The following POTEE variants were observed in gnomAD, a reference collection of about 807,000 sequenced individuals.
POTEE encodes the protein POTE ankyrin domain family member E, also known as ANKRD26-like family C member 1A.
Under a neutral mutation model 74.2 loss-of-function variants are expected in POTEE, and 21 were observed. That is an observed-to-expected ratio of 0.28 (90% CI 0.20 to 0.41). POTEE has a LOEUF of 0.41. Ranked by LOEUF, POTEE falls within the 10% of genes least tolerant of loss-of-function variation. POTEE has a pLI of 1.00. For synonymous variants in POTEE, 211 were observed against 432.8 expected, an observed-to-expected ratio of 0.49 and a Z score of 6.36; for missense variants, 525 against 1,158.6, an observed-to-expected ratio of 0.45 and a Z score of 7.94.
In POTEE at chr2:131,264,281, G is replaced by A. The variant is rs1701834409; in HGVS notation, c.2826G>A (p.Leu942=). Residue 942 remains leucine, a synonymous_variant, in exon 18 of 18, where the codon CTG becomes CTA. Coordinates refer to ENST00000683005, the MANE Select transcript of POTEE (RefSeq NM_001083538.3). ...CCTCCCTAGAGAAGAGCTACGAGCT[G>A]CCCGATGGCCAGGTCATCACCATCG... ...SSSSLEKSYE[L]PDGQVITIGN... 6.2e-7 allele frequency: 1 copy of A among 1,614,090 alleles called. No homozygotes were observed. The highest frequency in any genetic ancestry group is 1.3e-5 in the African/African-American group (1 of 74,966).
At chr2:131,219,451 A>G (rs1700547503) in intron 4 of POTEE, among the ~76,000 whole-genome samples, 1 of 151,818 alleles carries the variant, frequency 6.6e-6, no homozygotes, top group Non-Finnish European at 1.5e-5. Flanking sequence ...TTAAGATGTG[A>G]GCTTTTTGGC....
At chr2:131,230,014 A>C (rs540964505) in intron 8 of POTEE, among the ~76,000 whole-genome samples, 3 of 152,258 alleles carry the variant, frequency 2.0e-5, no homozygotes, top group African/African-American at 7.2e-5. Flanking sequence ...AATATAAAGC[A>C]TTATCCTAAC....
At chr2:131,221,700 T>C (rs1410641297) in intron 4 of POTEE, among the ~76,000 whole-genome samples, 1 of 152,222 alleles carries the variant, frequency 6.6e-6, no homozygotes, top group Non-Finnish European at 1.5e-5. Context: ...TATATACATT[T>C]TATTACATAA....
intron 4 of POTEE, among the ~76,000 whole-genome samples, chr2:131,219,714 G>A (rs1298086231): frequency 6.6e-6 from 1 of 151,760 alleles, no homozygotes; most frequent in African/African-American, 2.4e-5. Flanking sequence ...TCCAGCCTGG[G>A]CGACAGAGCG....
intron 2 of POTEE, among the ~76,000 whole-genome samples, chr2:131,212,783 T>C (rs1465872434): frequency 6.7e-6 from 1 of 149,660 alleles, no homozygotes; most frequent in Admixed American, 6.6e-5. Flanking sequence ...AGGCTGGTCT[T>C]GAACTCCCGA....
intron 12 of POTEE, among the ~76,000 whole-genome samples, chr2:131,243,384 CATACCGT>C (rs1306253399): frequency 5.5e-5 from 8 of 145,346 alleles, no homozygotes; most frequent in African/African-American, 1.7e-4. Flanking sequence ...TCTCCTCTAA[CATACCGT>C]ATATTTTGCC....
intron 5 of POTEE, 58 bp downstream of exon 5, chr2:131,223,768 A>C: frequency 6.2e-7 from 1 of 1,609,996 alleles, no homozygotes; most frequent in Non-Finnish European, 8.5e-7. Flanking sequence ...ACATAGCATA[A>C]AAATGAGTTT....
rs1038427794 is a variant in POTEE at position 131,218,791 on chromosome 2, A to G, written c.389A>G (p.Glu130Gly). 2 of 1,612,642 alleles carry G rather than the reference A, an allele frequency of 1.2e-6. No homozygotes were observed. The highest frequency in any genetic ancestry group is 1.7e-6 in the Non-Finnish European group (2 of 1,179,880). The change falls in exon 4 of 18, where the codon GAG becomes GGG. Residue 130 changes from glutamate (E) to glycine (G), a missense_variant. Physicochemically the swap from Glu to Gly is moderately conservative, Grantham distance 98 (BLOSUM62 -2). Coordinates refer to ENST00000683005, the MANE Select transcript of POTEE (RefSeq NM_001083538.3). ...GACTACGATGACAGCGCCTTCATGG[A>G]GCCCAGGTACCACGTCCGTGGAGAA... ...WGDYDDSAFMEPRYHVRGEDL... is the reference protein window; with the variant it reads ...WGDYDDSAFMGPRYHVRGEDL...
rs758161839 is a variant in POTEE, at chr2:131,263,981, G to C, written c.2526G>C (p.Leu842=). The C allele has an allele frequency of 3.3e-5, 53 of 1,614,166 alleles. 1 individual carries two copies. The highest frequency in any genetic ancestry group is 3.3e-4 in the Middle Eastern group (2 of 6,060). Residue 842 remains leucine (L), a synonymous_variant, in exon 18 of 18, where the codon CTG becomes CTC. Coordinates refer to ENST00000683005, the MANE Select transcript of POTEE (RefSeq NM_001083538.3). ...TGGCCATCCAGGCCGTGCCGTCCCT[G>C]TACACCTCTGGCCGTACTACTGGCA... is the stretch of plus-strand genomic sequence containing the variant. ...MYVAIQAVPS[L]YTSGRTTGIV... is the part of the protein sequence containing the mutation.
At chr2:131,219,345 T>C (rs904107250) in intron 4 of POTEE, among the ~76,000 whole-genome samples, 4 of 151,454 alleles carry the variant, frequency 2.6e-5, no homozygotes, top group East Asian at 1.9e-4. Flanking sequence ...TTTATATCAA[T>C]GTACAGTATG....
At chr2:131,227,683 A>G (rs2105084145) in intron 7 of POTEE, among the ~76,000 whole-genome samples, 1 of 145,030 alleles carries the variant, frequency 6.9e-6, no homozygotes, top group Middle Eastern at 3.4e-3. Flanking sequence ...GTTATTTACC[A>G]CCAAATATGT....
At chr2:131,258,601 A>G (rs1418955159) in intron 16 of POTEE, among the ~76,000 whole-genome samples, 9 of 152,138 alleles carry the variant, frequency 5.9e-5, no homozygotes, top group Admixed American at 5.9e-4. Flanking sequence ...GTTGTTAACA[A>G]TTTTCTGCTG....
At chr2:131,214,455 C>T (rs1326003552) in intron 2 of POTEE, among the ~76,000 whole-genome samples, 10 of 152,276 alleles carry the variant, frequency 6.6e-5, no homozygotes, top group Non-Finnish European at 2.9e-5. Context: ...TAAATTTAAT[C>T]ATGTCGTAGA....
At chr2:131,210,507 C>T (rs910027272) in intron 1 of POTEE, among the ~76,000 whole-genome samples, 8 of 151,850 alleles carry the variant, frequency 5.3e-5, no homozygotes, top group African/African-American at 1.2e-4. Context: ...GCCATGGTCT[C>T]CTTGCTCCTT....
chr2:131,222,293 C>A (rs1206004038), intron 4 of POTEE, among the ~76,000 whole-genome samples: 2 of 152,236 alleles, frequency 1.3e-5, no homozygotes, highest in African/African-American at 2.4e-5. Flanking sequence ...TTATCCTTAG[C>A]AAACTAACAA....
chr2:131,222,557 C>T (rs1335534825), intron 4 of POTEE, among the ~76,000 whole-genome samples: 15 of 151,994 alleles, frequency 9.9e-5, no homozygotes, highest in African/African-American at 3.6e-4. Flanking sequence ...GGCACGTGTA[C>T]CCCTGAATGT....
chr2:131,219,200 GATT>G (rs1339576135), intron 4 of POTEE, among the ~76,000 whole-genome samples: 1 of 151,326 alleles, frequency 6.6e-6, no homozygotes, highest in Non-Finnish European at 1.5e-5. Flanking sequence ...CAATGCAGCA[GATT>G]ATTTTTAATC....
chr2:131,226,734 C>T (rs1032547891), intron 6 of POTEE, 89 bp from the exon 7 acceptor site: 2 of 1,587,498 alleles, frequency 1.3e-6, no homozygotes, highest in African/African-American at 2.7e-5. Flanking sequence ...GCGTGTAAGT[C>T]CATAAGATCT....
At chr2:131,213,532 G>C (rs1425600194) in intron 2 of POTEE, among the ~76,000 whole-genome samples, 1 of 151,744 alleles carries the variant, frequency 6.6e-6, no homozygotes, top group Non-Finnish European at 1.5e-5. Context: ...AATACCACTA[G>C]ATAGGTTATA....
Sources: allele counts gnomAD v4.1 joint callset (sites outside exome capture counted in the v4.1 genomes callset), GRCh38; gene constraint gnomAD v4.1.1; transcripts MANE v1.5; gene names NCBI Gene and HGNC (gene_info 2026-07-23, HGNC 2026-07-21).